The following GSTM2 variants were observed in gnomAD, a reference collection of about 807,000 sequenced individuals.
GSTM2 encodes the protein glutathione S-transferase mu 2, also known as GST class-mu 2.
A neutral mutation model predicts 33.3 loss-of-function variants in GSTM2; 33 were observed. The observed-to-expected ratio is 0.99, with a 90% CI of 0.75 to 1.33. The LOEUF (loss-of-function observed/expected upper bound fraction) is 1.33, where lower values mean the gene tolerates loss of function less well. Among genes scored for constraint, GSTM2 ranks in the 40% most tolerant of loss-of-function variants. The pLI is 0.00. For synonymous variants in GSTM2, 93 were observed against 95.6 expected (o/e 0.97, Z 0.16); for missense variants, 213 against 265.8 (o/e 0.80, Z 1.38).
intron 2 of GSTM2, 134 bp downstream of exon 2, chr1:109,668,634 G>C: frequency 9.4e-7 from 1 of 1,064,394 alleles, no homozygotes; most frequent in Non-Finnish European, 1.4e-6. Flanking sequence ...CTGAGCCCTG[G>C]TGAGGGAGCT....
intron 7 of GSTM2, chr1:109,673,211 C>A (rs369281927): frequency 2.6e-4 from 412 of 1,611,938 alleles, no homozygotes; most frequent in Non-Finnish European, 3.2e-4. Context: ...AGGTGTTCCC[C>A]CTGTGAGATG....
chr1:109,681,793 C>G, intron 7 of GSTM2: 1 of 1,588,974 alleles, frequency 6.3e-7, no homozygotes, highest in Non-Finnish European at 8.6e-7. Context: ...ACACTATTTT[C>G]TTTTCTCTGA....
At chr1:109,673,524 T>C (rs1647616924) in intron 7 of GSTM2, 1 of 429,396 alleles carries the variant, frequency 2.3e-6, no homozygotes, top group Admixed American at 3.6e-5. Context: ...CAGCTCTGGT[T>C]CTGCGGTTCT....
At chr1:109,669,627 T>C in intron 5 of GSTM2, 56 bp downstream of exon 5, 1 of 1,113,242 alleles carries the variant, frequency 9.0e-7, no homozygotes, top group South Asian at 1.3e-5. Context: ...GTCTCCCCTT[T>C]CCCTGCAGAG....
In GSTM2 at chr1:109,681,530, G is replaced by C. The variant is rs190351577; in HGVS notation, c.567+9947G>C. Reference sequence around the variant, plus strand: ...ACATTTATTTAAGTTAATAATATAAGTATCATTAATACCTAATAATATGAG... The same window carrying C: ...ACATTTATTTAAGTTAATAATATAACTATCATTAATACCTAATAATATGAG... On this transcript the variant is annotated intron_variant, in intron 7 of 7. Coordinates refer to the GSTM2 transcript ENST00000369831. Among the ~76,000 whole-genome samples, 127 of 148,164 alleles carry C rather than the reference G, an allele frequency of 8.6e-4. 12 individuals carry two copies. The highest frequency in any genetic ancestry group is 2.9e-3 in the African/African-American group (116 of 39,658).
At chr1:109,668,280 C>A in intron 1 of GSTM2, 129 bp downstream of exon 1, 1 of 1,293,968 alleles carries the variant, frequency 7.7e-7, no homozygotes, top group South Asian at 1.2e-5. Context: ...CTGTGCTTGC[C>A]GCTGTCTGTG....
At chr1:109,674,035 C>T (rs1004409118) in intron 7 of GSTM2, among the ~76,000 whole-genome samples, 9 of 151,836 alleles carry the variant, frequency 5.9e-5, no homozygotes, top group African/African-American at 2.2e-4. Context: ...GATGGAGAAC[C>T]TTGGACTTTC....
intron 7 of GSTM2, chr1:109,673,333 G>A: frequency 2.0e-6 from 3 of 1,524,298 alleles, no homozygotes; most frequent in Non-Finnish European, 2.7e-6. Flanking sequence ...AATGAGTGCA[G>A]TGAGAGGCCT....
chr1:109,673,536 G>T, intron 7 of GSTM2: 1 of 407,210 alleles, frequency 2.5e-6, no homozygotes, highest in Non-Finnish European at 4.6e-6. Context: ...TGCGGTTCTG[G>T]TCCAGGCTGA....
downstream of GSTM2, among the ~76,000 whole-genome samples, chr1:109,679,033 A>G (rs1451690538): frequency 6.6e-6 from 1 of 152,224 alleles, no homozygotes; most frequent in Non-Finnish European, 1.5e-5. Flanking sequence ...TAATGGTATT[A>G]CAACAGATAA....
intron 7 of GSTM2, chr1:109,673,181 T>C: frequency 6.2e-7 from 1 of 1,611,018 alleles, no homozygotes; most frequent in Non-Finnish European, 8.5e-7. Flanking sequence ...CTTCCTCTCT[T>C]TTTTTCCCTC....
At chr1:109,678,460 A>T (rs71665014), downstream of GSTM2, among the ~76,000 whole-genome samples, 1 of 152,126 alleles carries the variant, frequency 6.6e-6, no homozygotes, top group South Asian at 2.1e-4. Context: ...AAAAATCTGT[A>T]TATGGGCTGG....
At chr1:109,670,103 A>AGGGGGGAAGGGGGGGGGTGGCCTCCTTTT in intron 5 of GSTM2, 2 of 86,534 alleles carry the variant, frequency 2.3e-5, no homozygotes, top group African/African-American at 5.3e-5. Flanking sequence ...GTGGGGGGGG[A>AGGGGGGAAGGGGGGGGGTGGCCTCCTTTT]AATCCCTTAT....
At chr1:109,676,294 A>T (rs1397846517), downstream of GSTM2, among the ~76,000 whole-genome samples, 1 of 152,170 alleles carries the variant, frequency 6.6e-6, no homozygotes, top group Non-Finnish European at 1.5e-5. Flanking sequence ...AGAATTGAGC[A>T]TTTCTGGTGA....
chr1:109,668,625 T>C, intron 2 of GSTM2, 125 bp downstream of exon 2: 4 of 1,110,806 alleles, frequency 3.6e-6, no homozygotes, highest in East Asian at 4.8e-5. Context: ...GTCCCTTCCC[T>C]GAGCCCTGGT....
At chr1:109,682,818 A>G (rs1647885309) in intron 7 of GSTM2, among the ~76,000 whole-genome samples, 1 of 121,326 alleles carries the variant, frequency 8.2e-6, no homozygotes, top group East Asian at 2.0e-4. Context: ...AAGTTTACCC[A>G]AACAATATTT....
chr1:109,678,761 A>C (rs1647775615), downstream of GSTM2, among the ~76,000 whole-genome samples: 1 of 147,196 alleles, frequency 6.8e-6, no homozygotes, highest in South Asian at 2.1e-4. Flanking sequence ...CTCCCTCTCA[A>C]AAAAAAAAAA....
At chr1:109,674,292 G>A (rs1475676466) in intron 7 of GSTM2, among the ~76,000 whole-genome samples, 5 of 151,944 alleles carry the variant, frequency 3.3e-5, no homozygotes, top group Admixed American at 3.3e-4. Context: ...TGGGGCAGAA[G>A]AAGAAGAGAA....
downstream of GSTM2, among the ~76,000 whole-genome samples, chr1:109,676,379 T>C (rs183130304): frequency 1.3e-5 from 2 of 152,324 alleles, no homozygotes; most frequent in African/African-American, 4.8e-5. Flanking sequence ...TGAGAGGAAG[T>C]ATTACTCTGT....
Sources: gnomAD v4.1 joint callset for allele counts (sites outside exome capture counted in the v4.1 genomes callset) on GRCh38, gnomAD v4.1.1 for gene constraint, MANE v1.5 for transcripts, NCBI Gene and HGNC (gene_info 2026-07-23, HGNC 2026-07-21) for gene names.